The following EHBP1 variants were observed in gnomAD, a reference collection of about 807,000 sequenced individuals.
EHBP1 encodes EH domain binding protein 1, also known as EH domain-binding protein 1.
EHBP1 carries 55 observed loss-of-function variants against 144.0 expected under a neutral mutation model. The observed-to-expected ratio is 0.38, with a 90% CI of 0.31 to 0.48. The LOEUF (loss-of-function observed/expected upper bound fraction) is 0.48. Among genes scored for constraint, EHBP1 ranks in the 20% least tolerant of loss-of-function variants. The pLI, the probability that EHBP1 is intolerant of heterozygous loss-of-function variation, is 0.98. For synonymous variants in EHBP1, 469 were observed against 472.7 expected (o/e 0.99, Z 0.10); for missense variants, 1,200 against 1,364.2 (o/e 0.88, Z 1.90).
chr2:62,983,411 A>C (rs2153209801), intron 15 of EHBP1, among the ~76,000 whole-genome samples: 1 of 152,198 alleles, frequency 6.6e-6, no homozygotes, highest in South Asian at 2.1e-4. Context: ...ATATCATGTC[A>C]TATAGCACAT....
intron 10 of EHBP1, among the ~76,000 whole-genome samples, chr2:62,910,863 G>A (rs1008094152): frequency 6.6e-6 from 1 of 152,088 alleles, no homozygotes; most frequent in South Asian, 2.1e-4. Context: ...CACTTAATAG[G>A]TGCACTTTAA....
intron 14 of EHBP1, among the ~76,000 whole-genome samples, chr2:62,957,641 CTTTTT>C (rs1157397512): frequency 9.2e-5 from 8 of 87,174 alleles, no homozygotes; most frequent in Admixed American, 5.0e-4. Flanking sequence ...AAAATAAATG[CTTTTT>C]TTTTTTTTTT....
intron 1 of EHBP1, among the ~76,000 whole-genome samples, chr2:62,696,508 C>CTTTTTTTTTT (rs869081763): frequency 1.0e-3 from 80 of 76,726 alleles, no homozygotes; most frequent in Non-Finnish European, 1.3e-3. Flanking sequence ...TTTTTTTCTT[C>CTTTTTTTTTT]TTTTTTTTTT....
At chr2:62,871,484 G>C (rs17027446) in intron 9 of EHBP1, among the ~76,000 whole-genome samples, 1 of 152,086 alleles carries the variant, frequency 6.6e-6, no homozygotes, top group Non-Finnish European at 1.5e-5. Context: ...TAAAGATTGC[G>C]CATAAGCTAA....
At chr2:62,872,496 G>A (rs1406244896) in intron 9 of EHBP1, among the ~76,000 whole-genome samples, 1 of 152,066 alleles carries the variant, frequency 6.6e-6, no homozygotes, top group Non-Finnish European at 1.5e-5. Flanking sequence ...CAGCAAGTAT[G>A]TAACTTGTCA....
In EHBP1 at chr2:62,874,475, A is replaced by C. The variant is rs780923042; in HGVS notation, c.1128A>C (p.Thr376=). ...CTCCACCAGTCCTCTCACCAAAAAC[A>C]GGAGTATTAAATGAAAACACAGTTT... is the stretch of plus-strand genomic sequence containing the variant. ...APAPPVLSPK[T]GVLNENTVSA... The change falls in exon 10 of 23, where the codon ACA becomes ACC. Residue 376 remains threonine, a synonymous_variant. Coordinates refer to ENST00000431489, the MANE Select transcript of EHBP1 (RefSeq NM_001142616.3). The C allele has an allele frequency of 1.2e-6, 2 of 1,612,146 alleles. No individual in the cohort carries two copies. Among genetic ancestry groups the C allele is most frequent in the Non-Finnish European group, 8.5e-7 (1 of 1,179,256 alleles).
chr2:62,815,800 G>A (rs2045398761), intron 5 of EHBP1, among the ~76,000 whole-genome samples: 1 of 152,146 alleles, frequency 6.6e-6, no homozygotes, highest in South Asian at 2.1e-4. Context: ...TGGAATAGGT[G>A]AAGATATAAA....
chr2:62,729,589 AATAT>A (rs1167475382), intron 2 of EHBP1, among the ~76,000 whole-genome samples: 4 of 129,692 alleles, frequency 3.1e-5, no homozygotes, highest in Non-Finnish European at 4.7e-5. Flanking sequence ...ATATAATAAT[AATAT>A]ATATAATAAT....
At chr2:63,021,676 C>T (rs758712382) in intron 19 of EHBP1, among the ~76,000 whole-genome samples, 1 of 152,190 alleles carries the variant, frequency 6.6e-6, no homozygotes, top group Non-Finnish European at 1.5e-5. Context: ...AGTATGTATG[C>T]GTTGGCCCCT....
At chr2:62,929,468 A>G (rs968324557) in intron 10 of EHBP1, among the ~76,000 whole-genome samples, 1 of 152,218 alleles carries the variant, frequency 6.6e-6, no homozygotes, top group East Asian at 1.9e-4. Context: ...TGAAGGAGAT[A>G]GTACATGTAA....
intron 3 of EHBP1, among the ~76,000 whole-genome samples, chr2:62,748,629 C>T (rs2039380482): frequency 6.6e-6 from 1 of 152,072 alleles, no homozygotes; most frequent in Admixed American, 6.6e-5. Flanking sequence ...CACTGCCCTC[C>T]AGCCTGGGTG....
chr2:63,001,626 G>T (rs972443970), intron 19 of EHBP1, among the ~76,000 whole-genome samples: 7 of 152,124 alleles, frequency 4.6e-5, no homozygotes, highest in African/African-American at 1.4e-4. Flanking sequence ...TCTAACAAAG[G>T]CCCTATGAGA....
intron 3 of EHBP1, among the ~76,000 whole-genome samples, chr2:62,763,623 T>C: frequency 6.6e-6 from 1 of 152,278 alleles, no homozygotes; most frequent in East Asian, 1.9e-4. Context: ...AGCTCAACTT[T>C]GACTAGAAGT....
chr2:62,943,858 T>G lies in EHBP1; in HGVS notation c.1413+8T>G. ...AAAGAGAACAACAAAAAGGTAAGAATTGATGAGCAAGAAAAATACGTAGTT... is the reference window on the plus strand; with the variant it reads ...AAAGAGAACAACAAAAAGGTAAGAAGTGATGAGCAAGAAAAATACGTAGTT... On this transcript the variant is annotated splice_region_variant and intron_variant, in intron 12 of 22. Coordinates refer to ENST00000431489, the MANE Select transcript of EHBP1 (RefSeq NM_001142616.3). 1 of 1,595,762 alleles carries G rather than the reference T, an allele frequency of 6.3e-7. No homozygotes were observed. The highest frequency in any genetic ancestry group is 8.6e-7 in the Non-Finnish European group (1 of 1,167,998).
At chr2:63,026,297 TGTG>T (rs2060973944) in intron 19 of EHBP1, among the ~76,000 whole-genome samples, 1 of 25,448 alleles carries the variant, frequency 3.9e-5, no homozygotes, top group Non-Finnish European at 7.5e-5. Context: ...CTCTACCTTG[TGTG>T]TGTGTGTGTG....
chr2:62,858,497 C>T, intron 7 of EHBP1: 1 of 1,609,432 alleles, frequency 6.2e-7, no homozygotes, highest in Non-Finnish European at 8.5e-7. Context: ...CTAAATCAGC[C>T]AGTTCCTCTG....
intron 5 of EHBP1, among the ~76,000 whole-genome samples, chr2:62,775,536 T>A: frequency 6.6e-6 from 1 of 152,184 alleles, no homozygotes; most frequent in East Asian, 1.9e-4. Flanking sequence ...CCACAGTTAA[T>A]AAAGAAATGT....
rs2050719787 is a variant in EHBP1 at position 62,874,393 on chromosome 2, T to C, written c.1046T>C (p.Leu349Ser). 6.2e-7 allele frequency: 1 copy of C among 1,608,840 alleles called. No individual in the cohort carries two copies. Among genetic ancestry groups the C allele is most frequent in the African/African-American group, 1.3e-5 (1 of 74,758 alleles). The change falls in exon 10 of 23, where the codon TTG (leucine) becomes TCG (serine). Residue 349 changes from leucine (L) to serine (S), a missense_variant. Leu to Ser is a moderately radical substitution (Grantham distance 145). Around this residue, in one of 6 missense-constraint regions of EHBP1, gnomAD observed 266 missense variants for 262.4 expected, o/e 1.01. Transcript: ENST00000431489. ...EPKSTPPPNNLVNPVQELETE... is the reference protein window; with the variant it reads ...EPKSTPPPNNSVNPVQELETE... The stretch of plus-strand genomic sequence containing the variant: ...AAATCAACTCCTCCTCCAAATAATT[T>C]GGTAAATCCTGTTCAAGAACTAGAA...
rs2058853148 is a variant in EHBP1, at chr2:62,979,275, C to T, written c.2548C>T (p.Leu850Phe). ...EARSGVKMSE[L>F]PSYGEMAAEK... ...TCGATCTGGAGTGAAGATGTCAGAA[C>T]TTCCCAGCTATGGTGAAATGGCTGC... The change falls in exon 15 of 23, where the codon CTT (leucine) becomes TTT (phenylalanine). Residue 850 changes from leucine to phenylalanine, a missense_variant. Coordinates refer to ENST00000431489, the MANE Select transcript of EHBP1 (RefSeq NM_001142616.3). 10 of 1,613,926 alleles carry T rather than the reference C, an allele frequency of 6.2e-6. No homozygotes were observed. The highest frequency in any genetic ancestry group is 7.6e-6 in the Non-Finnish European group (9 of 1,179,906).
Sources: gnomAD v4.1 joint callset for allele counts (sites outside exome capture counted in the v4.1 genomes callset) on GRCh38, gnomAD v4.1.1 for gene constraint, gnomAD v4.1.1 regional missense constraint, MANE v1.5 for transcripts, NCBI Gene and HGNC (gene_info 2026-07-23, HGNC 2026-07-21) for gene names.